PAWR: variants seen among roughly 807,000 people sequenced by gnomAD.
PAWR encodes PRKC apoptosis WT1 regulator protein.
A neutral mutation model predicts 32.0 loss-of-function variants in PAWR; 23 were observed. The ratio of observed to expected loss-of-function variants is 0.72; its 90% CI spans 0.52 to 1.02. The LOEUF is 1.02. PAWR is among the 50% of genes least tolerant of loss of function. The probability of loss-of-function intolerance (pLI) is 0.00; values close to 1 mark genes in which losing one functional copy is unlikely to be tolerated. For missense variants in PAWR, 457 were observed against 437.7 expected, an observed-to-expected ratio of 1.04 and a Z score of -0.39; for synonymous variants, 226 against 187.1, an observed-to-expected ratio of 1.21 and a Z score of -1.70.
chr12:79,595,724 T>C (rs537402662), intron 5 of PAWR, among the ~76,000 whole-genome samples: 25 of 152,166 alleles, frequency 1.6e-4, no homozygotes, highest in South Asian at 4.2e-4. Context: ...TGGTGGTGCA[T>C]GCCTGTAATC....
At chr12:79,635,668 G>C (rs1875928522) in intron 2 of PAWR, 1 of 152,036 alleles carries the variant, frequency 6.6e-6, no homozygotes, top group African/African-American at 2.4e-5. Context: ...TTTAAAAATT[G>C]CTTGCCATTT....
At position 79,632,339 on chromosome 12, in the gene PAWR, ATATATATATATATATATATATATTT is replaced by A. The variant is rs1875719763; in HGVS notation, c.517-11157_517-11133del. Among the ~76,000 whole-genome samples, 8 of 52,994 alleles carry A rather than the reference ATATATATATATATATATATATATTT, an allele frequency of 1.5e-4. 1 individual carries two copies. In the African/African-American group the frequency reaches 2.4e-3, roughly 16 times the overall value. The allele number at this position is 52,994 out of a possible 152,430, so 34.8% of individuals were successfully genotyped here. ...TATATATATATATATATATATATAT[ATATATATATATATATATATATATTT>A]TTTTTTTTTTTTAGACAGGGTCTTG... On this transcript the variant is annotated intron_variant, in intron 2 of 6. Coordinates refer to ENST00000328827, the MANE Select transcript of PAWR (RefSeq NM_002583.4).
chr12:79,659,566 T>TG (rs1273652212), intron 2 of PAWR, among the ~76,000 whole-genome samples: 4 of 152,132 alleles, frequency 2.6e-5, no homozygotes, highest in African/African-American at 9.7e-5. Flanking sequence ...AACCCCTAAA[T>TG]AAGGCTAAAG....
At chr12:79,670,067 A>T (rs1877815009) in intron 2 of PAWR, among the ~76,000 whole-genome samples, 1 of 152,196 alleles carries the variant, frequency 6.6e-6, no homozygotes, top group South Asian at 2.1e-4. Flanking sequence ...TGGGTATACA[A>T]AATGCTAAAA....
chr12:79,608,426 C>T (rs539403400), intron 4 of PAWR, among the ~76,000 whole-genome samples: 2 of 152,200 alleles, frequency 1.3e-5, no homozygotes, highest in East Asian at 1.9e-4. Flanking sequence ...AGGGTTCGCG[C>T]GCTCCTATGA....
In PAWR at chr12:79,690,023, C is replaced by T. The variant is rs926174907; in HGVS notation, c.222G>A (p.Pro74=). 1.5e-6 allele frequency: 2 copies of T among 1,314,160 alleles called. No individual in the cohort carries two copies. The highest frequency in any genetic ancestry group is 9.6e-7 in the Non-Finnish European group (1 of 1,038,690). 81.4% of individuals were successfully genotyped at this position (1,314,160 alleles called of 1,614,324 possible). ...AAANELNNNL[P]GGAPAAPAVP... ...CGGCAGGTGCGGCCGGCGCGCCGCC[C>T]GGGAGGTTGTTGTTGAGCTCGTTGG... Residue 74 remains proline (P), a synonymous_variant, in exon 2 of 7, where the codon CCG becomes CCA. Coordinates refer to ENST00000328827, the MANE Select transcript of PAWR (RefSeq NM_002583.4).
chr12:79,681,428 G>A (rs1878442878), intron 2 of PAWR, among the ~76,000 whole-genome samples: 1 of 151,820 alleles, frequency 6.6e-6, no homozygotes, highest in Non-Finnish European at 1.5e-5. Flanking sequence ...CTGCAGCCTG[G>A]GGAACAAGCA....
chr12:79,668,855 A>T (rs1480767785), intron 2 of PAWR, among the ~76,000 whole-genome samples: 1 of 152,178 alleles, frequency 6.6e-6, no homozygotes, highest in African/African-American at 2.4e-5. Flanking sequence ...TGTATAGAGA[A>T]TACAAATATA....
intron 4 of PAWR, chr12:79,604,086 T>C (rs1282743815): frequency 5.6e-6 from 1 of 179,418 alleles, no homozygotes; most frequent in African/African-American, 2.4e-5. Flanking sequence ...TGTTACTTGA[T>C]CTTATTGCCA....
chr12:79,656,801 A>G (rs1330172660), intron 2 of PAWR, among the ~76,000 whole-genome samples: 2 of 152,228 alleles, frequency 1.3e-5, no homozygotes, highest in African/African-American at 4.8e-5. Flanking sequence ...GACTAAACAT[A>G]AGGCAGCACA....
At chr12:79,598,380 G>A (rs189892825) in intron 4 of PAWR, among the ~76,000 whole-genome samples, 1 of 152,310 alleles carries the variant, frequency 6.6e-6, no homozygotes, top group East Asian at 1.9e-4. Context: ...GACAGAAATA[G>A]CAGTGATTTT....
chr12:79,624,422 G>A (rs1167614735), intron 2 of PAWR, among the ~76,000 whole-genome samples: 1 of 152,110 alleles, frequency 6.6e-6, no homozygotes, highest in Non-Finnish European at 1.5e-5. Flanking sequence ...GAACTGGAAG[G>A]TGAACTGTGA....
intron 2 of PAWR, among the ~76,000 whole-genome samples, chr12:79,677,736 A>G (rs1479985774): frequency 6.6e-6 from 1 of 152,188 alleles, no homozygotes; most frequent in Non-Finnish European, 1.5e-5. Context: ...ACACTTGTAG[A>G]AGTTAAACAA....
At position 79,690,369 on chromosome 12, in the gene PAWR, C is replaced by T. The variant is rs1565710868; in HGVS notation, c.-125G>A. On this transcript the variant is annotated 5_prime_UTR_variant, in exon 2 of 7. Transcript: ENST00000328827. ...CGACCTCCAGGAGAGGGACGGCCGCCGCTCCCACAGCAGCCGGCGGGGCTG... is the reference window on the plus strand; with the variant it reads ...CGACCTCCAGGAGAGGGACGGCCGCTGCTCCCACAGCAGCCGGCGGGGCTG... 7.4e-7 allele frequency: 1 copy of T among 1,347,072 alleles called. No individual in the cohort carries two copies. Among genetic ancestry groups the T allele is most frequent in the Non-Finnish European group, 9.5e-7 (1 of 1,053,882 alleles). 83.4% of individuals were successfully genotyped at this position (1,347,072 alleles called of 1,614,324 possible).
chr12:79,643,361 AT>A (rs1203649754), intron 2 of PAWR, among the ~76,000 whole-genome samples: 4 of 152,134 alleles, frequency 2.6e-5, no homozygotes, highest in African/African-American at 7.2e-5. Flanking sequence ...TACATAACAA[AT>A]TTAAGGTACA....
chr12:79,619,858 T>C (rs528548438), intron 3 of PAWR, among the ~76,000 whole-genome samples: 13 of 152,310 alleles, frequency 8.5e-5, no homozygotes, highest in African/African-American at 3.1e-4. Context: ...ACAAACTGTT[T>C]TGTGTAAGTT....
intron 2 of PAWR, among the ~76,000 whole-genome samples, chr12:79,650,822 A>C (rs1592531058): frequency 6.6e-6 from 1 of 152,066 alleles, no homozygotes; most frequent in East Asian, 1.9e-4. Context: ...GGTGCTGCTA[A>C]TGTAGTTAAT....
rs1029746270 is a variant in PAWR at position 79,591,454 on chromosome 12, T to C, written c.*1153A>G. On this transcript the variant is annotated 3_prime_UTR_variant, in exon 7 of 7. Coordinates refer to ENST00000328827, the MANE Select transcript of PAWR (RefSeq NM_002583.4). ...CAAAGCAAAAATGTCATAATTTTAATGTATTTTAAGGGAAGACGGGGTTCT... is the reference window on the plus strand; with the variant it reads ...CAAAGCAAAAATGTCATAATTTTAACGTATTTTAAGGGAAGACGGGGTTCT... 1 of 152,184 alleles carries C rather than the reference T, an allele frequency of 6.6e-6. No homozygotes were observed. The highest frequency in any genetic ancestry group is 1.5e-5 in the Non-Finnish European group (1 of 68,024). 9.4% of individuals were successfully genotyped at this position (152,184 alleles called of 1,614,324 possible). A position where few individuals can be genotyped will look rare whatever the true frequency, so the allele number is the denominator to read the frequency against.
chr12:79,674,350 T>G (rs1878054913), intron 2 of PAWR, among the ~76,000 whole-genome samples: 1 of 151,834 alleles, frequency 6.6e-6, no homozygotes. Flanking sequence ...GCTAGCCATA[T>G]GCAGAAGACT....
Sources: gnomAD v4.1 joint callset for allele counts (sites outside exome capture counted in the v4.1 genomes callset) on GRCh38, gnomAD v4.1.1 for gene constraint, MANE v1.5 for transcripts, NCBI Gene and HGNC (gene_info 2026-07-23, HGNC 2026-07-21) for gene names.